LRSAM1: variants seen among roughly 807,000 people sequenced by gnomAD.
LRSAM1 encodes the protein E3 ubiquitin-protein ligase LRSAM1.
A neutral mutation model predicts 118.1 loss-of-function variants in LRSAM1; 96 were observed. The observed-to-expected ratio is 0.81, with a 90% confidence interval of 0.69 to 0.96. LRSAM1 has a LOEUF of 0.96. LRSAM1 is among the 40% of genes least tolerant of loss of function. The pLI is 0.00. For synonymous variants in LRSAM1, 322 were observed against 364.2 expected, an observed-to-expected ratio of 0.88 and a Z score of 1.32; for missense variants, 804 against 915.5, an observed-to-expected ratio of 0.88 and a Z score of 1.57.
In LRSAM1 at chr9:127,467,847, G is replaced by A; in HGVS notation, c.619+17G>A. ...TCTGCAAAGGTAAAGCCAGGCCGCT[G>A]CCTCCTCCCCTCATTGAGGAACTAT... On this transcript the variant is annotated intron_variant, in intron 10 of 25. Coordinates refer to ENST00000300417, the MANE Select transcript of LRSAM1 (RefSeq NM_001005373.4). The A allele has an allele frequency of 6.4e-7, 1 of 1,563,520 alleles. No homozygotes were observed. The highest frequency in any genetic ancestry group is 8.6e-7 in the Non-Finnish European group (1 of 1,156,828).
At chr9:127,489,304 G>A (rs1408096296) in intron 18 of LRSAM1, 140 bp from the exon 19 acceptor site, 7 of 977,784 alleles carry the variant, frequency 7.2e-6, no homozygotes, top group African/African-American at 4.8e-5. Context: ...TTACACAAGT[G>A]AGGTGAAATC....
At chr9:127,501,755 T>TA (rs1316143135) in intron 25 of LRSAM1, among the ~76,000 whole-genome samples, 5 of 152,174 alleles carry the variant, frequency 3.3e-5, no homozygotes, top group Non-Finnish European at 7.3e-5. Flanking sequence ...AATCATCTTT[T>TA]AAAAATTCAT....
Position 127,462,310 on chromosome 9 carries a change from C to T in LRSAM1, c.465C>T (p.Leu155=). 1 of 1,614,124 alleles carries T rather than the reference C, an allele frequency of 6.2e-7. No homozygotes were observed. Among genetic ancestry groups the T allele is most frequent in the Non-Finnish European group, 8.5e-7 (1 of 1,180,022 alleles). The change falls in exon 9 of 26, where the codon CTC becomes CTT. Residue 155 remains leucine (L), a synonymous_variant. Coordinates refer to ENST00000300417, the MANE Select transcript of LRSAM1 (RefSeq NM_001005373.4). Reference sequence around the variant, plus strand: ...GGGAGCTTCGAAGCCTGCGTACCCTCAACATCAGTGGAAACGAGATCCAGA... The same window carrying T: ...GGGAGCTTCGAAGCCTGCGTACCCTTAACATCAGTGGAAACGAGATCCAGA... ...TVGELRSLRT[L]NISGNEIQRL... is the part of the protein sequence containing the mutation.
At chr9:127,500,245 C>T (rs1271586048) in intron 24 of LRSAM1, among the ~76,000 whole-genome samples, 1 of 149,178 alleles carries the variant, frequency 6.7e-6, no homozygotes, top group Non-Finnish European at 1.5e-5. Flanking sequence ...CCTGTAATCC[C>T]AGCTACTCGG....
At chr9:127,488,462 A>G (rs1835811995) in intron 18 of LRSAM1, among the ~76,000 whole-genome samples, 1 of 152,118 alleles carries the variant, frequency 6.6e-6, no homozygotes, top group South Asian at 2.1e-4. Context: ...GGGTTTTGCC[A>G]CGTTGGCCAG....
intron 24 of LRSAM1, among the ~76,000 whole-genome samples, chr9:127,500,020 G>A (rs1042255460): frequency 3.6e-4 from 55 of 152,076 alleles, no homozygotes; most frequent in Admixed American, 5.9e-4. Context: ...GGAAGGGAAC[G>A]AGGGATAGAG....
In LRSAM1 at chr9:127,495,979, C is replaced by T. The variant is rs1359751742; in HGVS notation, c.1714C>T (p.Arg572Cys). The change falls in exon 23 of 26, where the codon CGC becomes TGC. Residue 572 changes from arginine (R) to cysteine (C), a missense_variant. Physicochemically the swap from Arg to Cys is radical, Grantham distance 180. Transcript: ENST00000300417. ...SLKLQEEGME[R>C]QLVALLEELS... ...TGTCTTGCAGGAAGAGGGGATGGAG[C>T]GCCAGCTGGTGGCCCTCCTGGAGGA... is the stretch of plus-strand genomic sequence containing the variant. 94 of 1,612,646 alleles carry T rather than the reference C, an allele frequency of 5.8e-5. No homozygotes were observed. The highest frequency in any genetic ancestry group is 7.1e-5 in the Non-Finnish European group (84 of 1,179,940).
intron 24 of LRSAM1, 42 bp from the exon 25 acceptor site, chr9:127,500,968 C>G (rs370840977): frequency 5.6e-6 from 9 of 1,613,168 alleles, no homozygotes; most frequent in Admixed American, 3.3e-5. Flanking sequence ...TTAGGGTCAG[C>G]GGAGATGACC....
At chr9:127,456,711 A>G (rs1834532930) in intron 5 of LRSAM1, among the ~76,000 whole-genome samples, 1 of 152,058 alleles carries the variant, frequency 6.6e-6, no homozygotes, top group Non-Finnish European at 1.5e-5. Context: ...AAAAATAAAA[A>G]AAAAATCAGC....
At chr9:127,471,584 C>T (rs1486201111) in intron 10 of LRSAM1, among the ~76,000 whole-genome samples, 1 of 149,440 alleles carries the variant, frequency 6.7e-6, no homozygotes, top group Non-Finnish European at 1.5e-5. Context: ...GTCGGGAGTT[C>T]GAGACCAGCC....
At chr9:127,478,095 G>T (rs1329173351) in intron 11 of LRSAM1, among the ~76,000 whole-genome samples, 1 of 150,504 alleles carries the variant, frequency 6.6e-6, no homozygotes, top group Non-Finnish European at 1.5e-5. Context: ...TTGTGTATAT[G>T]TGTATTGCTG....
intron 17 of LRSAM1, among the ~76,000 whole-genome samples, chr9:127,487,275 G>C (rs1835766762): frequency 6.6e-6 from 1 of 151,914 alleles, no homozygotes; most frequent in African/African-American, 2.4e-5. Context: ...GCTGCTCCTT[G>C]CTCCCTGCCC....
intron 20 of LRSAM1, among the ~76,000 whole-genome samples, chr9:127,491,530 G>A (rs903026999): frequency 2.0e-5 from 3 of 152,226 alleles, no homozygotes; most frequent in African/African-American, 7.2e-5. Flanking sequence ...AGGGTCAGAG[G>A]AAGGAGGGTT....
intron 10 of LRSAM1, among the ~76,000 whole-genome samples, chr9:127,473,117 C>A (rs999771907): frequency 5.3e-5 from 8 of 152,166 alleles, no homozygotes; most frequent in African/African-American, 1.9e-4. Flanking sequence ...TTCCTTGATT[C>A]TGTGAATATT....
intron 24 of LRSAM1, among the ~76,000 whole-genome samples, chr9:127,497,789 G>A (rs939687439): frequency 6.6e-6 from 1 of 152,232 alleles, no homozygotes; most frequent in Non-Finnish European, 1.5e-5. Flanking sequence ...TGGGGAGAAG[G>A]GGCAGGTGTG....
At chr9:127,466,474 TC>T (rs1834926575) in intron 9 of LRSAM1, among the ~76,000 whole-genome samples, 1 of 35,090 alleles carries the variant, frequency 2.8e-5, no homozygotes, top group Non-Finnish European at 5.8e-5. Context: ...AAAGGAAGAA[TC>T]ATATATATAT....
chr9:127,478,893 G>A lies in LRSAM1; in HGVS notation c.751-41G>A, dbSNP rs374258145. On this transcript the variant is annotated intron_variant, in intron 11 of 25. Coordinates refer to ENST00000300417, the MANE Select transcript of LRSAM1 (RefSeq NM_001005373.4). ...GGTGCCCATGCCAGGGAGAACCACT[G>A]CTGCCACCCTCTCTTGACCACTGTC... The A allele has an allele frequency of 5.0e-5, 81 of 1,611,928 alleles. No individual in the cohort carries two copies. The African/African-American group carries it at 8.9e-4, about 18-fold the overall frequency.
At chr9:127,485,876 G>A (rs749357519) in intron 17 of LRSAM1, 41 bp downstream of exon 17, 4 of 1,589,198 alleles carry the variant, frequency 2.5e-6, no homozygotes, top group Admixed American at 1.7e-5. Context: ...GGAGCTGGGG[G>A]AGCTGGCTCA....
chr9:127,458,962 A>C (rs745839330), intron 6 of LRSAM1, 41 bp from the exon 7 acceptor site: 45 of 1,608,272 alleles, frequency 2.8e-5, no homozygotes, highest in Non-Finnish European at 3.8e-5. Context: ...AGTCTGAGGG[A>C]CTTTCTCACT....
Sources: allele counts gnomAD v4.1 joint callset (sites outside exome capture counted in the v4.1 genomes callset), GRCh38; gene constraint gnomAD v4.1.1; transcripts MANE v1.5; gene names NCBI Gene and HGNC (gene_info 2026-07-23, HGNC 2026-07-21).